Variants in PRKN observed in about 807,000 individuals in gnomAD.
The protein encoded by PRKN is parkin RBR E3 ubiquitin protein ligase, also known as E3 ubiquitin-protein ligase parkin.
PRKN carries 56 observed loss-of-function variants against 59.5 expected under a neutral mutation model. That is an observed-to-expected ratio of 0.94 (90% confidence interval 0.76 to 1.18). The LOEUF (loss-of-function observed/expected upper bound fraction) is 1.18, where lower values mean the gene tolerates loss of function less well. PRKN is among the 50% of genes most tolerant of loss of function. The pLI, the probability that PRKN is intolerant of heterozygous loss-of-function variation, is 0.00. For synonymous variants in PRKN, 250 were observed against 222.1 expected, an observed-to-expected ratio of 1.13 and a Z score of -1.12; for missense variants, 657 against 596.4, an observed-to-expected ratio of 1.10 and a Z score of -1.06.
chr6:161,917,822 C>T (rs1778628563), intron 6 of PRKN, among the ~76,000 whole-genome samples: 1 of 152,190 alleles, frequency 6.6e-6, no homozygotes, highest in Non-Finnish European at 1.5e-5. Flanking sequence ...TGATTCATTT[C>T]CACGTTTGAA....
chr6:162,603,771 G>A (rs1330233846), intron 1 of PRKN, among the ~76,000 whole-genome samples: 1 of 152,082 alleles, frequency 6.6e-6, no homozygotes, highest in Non-Finnish European at 1.5e-5. Flanking sequence ...GAGCACGCTG[G>A]AAACCACCCG....
chr6:161,714,855 C>A (rs1025533212), intron 7 of PRKN, among the ~76,000 whole-genome samples: 1 of 152,152 alleles, frequency 6.6e-6, no homozygotes, highest in Non-Finnish European at 1.5e-5. Context: ...CGCCACCCCA[C>A]AAAGACACAT....
At chr6:162,453,164 C>G (rs2128171692) in intron 1 of PRKN, among the ~76,000 whole-genome samples, 1 of 152,198 alleles carries the variant, frequency 6.6e-6, no homozygotes, top group Admixed American at 6.5e-5. Flanking sequence ...TCCAGGTTCC[C>G]CGGCTGGAAA....
At chr6:161,735,570 G>A (rs1035547695) in intron 7 of PRKN, among the ~76,000 whole-genome samples, 4 of 152,046 alleles carry the variant, frequency 2.6e-5, no homozygotes, top group African/African-American at 9.7e-5. Flanking sequence ...ACTGTGCAGG[G>A]GCTCAGAACA....
In PRKN at chr6:161,377,221, G is replaced by A. The variant is rs115638449; in HGVS notation, c.1167+9573C>T. 0.013 allele frequency among the ~76,000 whole-genome samples: 1,992 copies of A among 152,356 alleles called. 39 individuals are homozygous for A. Among genetic ancestry groups the A allele is most frequent in the African/African-American group, 0.046 (1,912 of 41,580 alleles). On this transcript the variant is annotated intron_variant, in intron 10 of 11. Transcript: ENST00000366898. The surrounding 1 kb of genome is among the most constrained non-coding windows in gnomAD (Gnocchi z 4.2). ...AAGAGAGCCCCTGGCACGCTACCGA[G>A]CCCTGTGGAGTTGGAGCATCTGTGC...
chr6:162,195,376 A>G (rs916130054), intron 4 of PRKN, among the ~76,000 whole-genome samples: 8 of 152,224 alleles, frequency 5.3e-5, no homozygotes, highest in Non-Finnish European at 1.2e-4. Flanking sequence ...AATTTCTTAC[A>G]TAAATGTGAG....
intron 1 of PRKN, among the ~76,000 whole-genome samples, chr6:162,599,395 G>A (rs572629089): frequency 9.4e-4 from 143 of 152,198 alleles, no homozygotes; most frequent in African/African-American, 3.3e-3. Context: ...TTGAATTTGC[G>A]TGTCTTTTGT....
chr6:161,536,684 T>C (rs901551088), intron 9 of PRKN, among the ~76,000 whole-genome samples: 4 of 152,250 alleles, frequency 2.6e-5, no homozygotes, highest in Non-Finnish European at 5.9e-5. Flanking sequence ...AGGTAGTTTG[T>C]GTCCCTGCAG....
At chr6:162,704,178 C>T (rs1243834064) in intron 1 of PRKN, among the ~76,000 whole-genome samples, 1 of 152,158 alleles carries the variant, frequency 6.6e-6, no homozygotes, top group Non-Finnish European at 1.5e-5. Context: ...GCTGGCCATG[C>T]CCTCCACCTG....
intron 5 of PRKN, among the ~76,000 whole-genome samples, chr6:161,980,304 GA>G (rs756289676): frequency 6.6e-6 from 1 of 151,032 alleles, no homozygotes; most frequent in African/African-American, 2.4e-5. Context: ...TTTCCCAAAA[GA>G]AAAAAAAACT....
At chr6:161,748,801 C>T (rs1021038636) in intron 7 of PRKN, among the ~76,000 whole-genome samples, 2 of 152,172 alleles carry the variant, frequency 1.3e-5, no homozygotes, top group African/African-American at 2.4e-5. Flanking sequence ...TTCCCTTATG[C>T]TTTAGCTGTT....
chr6:162,173,051 T>G (rs1167452889), intron 4 of PRKN, among the ~76,000 whole-genome samples: 1 of 152,096 alleles, frequency 6.6e-6, no homozygotes. Context: ...AAGGAGAAAC[T>G]GGGGGGCAGA....
At chr6:162,310,945 C>T (rs1005757038) in intron 2 of PRKN, among the ~76,000 whole-genome samples, 1 of 151,932 alleles carries the variant, frequency 6.6e-6, no homozygotes, top group African/African-American at 2.4e-5. Flanking sequence ...ATTAAGTATA[C>T]CATCTTTTCA....
chr6:162,128,072 C>T (rs759966174), intron 4 of PRKN, among the ~76,000 whole-genome samples: 2 of 152,182 alleles, frequency 1.3e-5, no homozygotes, highest in Admixed American at 6.6e-5. Flanking sequence ...CTCCCTTATG[C>T]TTATTTCCTC....
chr6:161,603,760 A>G (rs1267615241), intron 7 of PRKN, among the ~76,000 whole-genome samples: 1 of 152,230 alleles, frequency 6.6e-6, no homozygotes, highest in Admixed American at 6.5e-5. Context: ...AATTATTTCC[A>G]TAAGCTCTGG....
chr6:162,064,673 G>T (rs1476725341), intron 4 of PRKN, among the ~76,000 whole-genome samples: 1 of 152,178 alleles, frequency 6.6e-6, no homozygotes, highest in Non-Finnish European at 1.5e-5. Context: ...GAATACACAA[G>T]AATAATTAAG....
chr6:162,321,360 C>T (rs961397570), intron 2 of PRKN, among the ~76,000 whole-genome samples: 5 of 151,846 alleles, frequency 3.3e-5, no homozygotes, highest in Admixed American at 3.3e-4. Context: ...AGACTTATGT[C>T]TATTGAAGAA....
chr6:162,561,397 T>C (rs1048574427), intron 1 of PRKN, among the ~76,000 whole-genome samples: 4 of 151,830 alleles, frequency 2.6e-5, no homozygotes, highest in Admixed American at 6.6e-5. Flanking sequence ...GCAGACAAGA[T>C]GGTAGAATAG....
intron 1 of PRKN, among the ~76,000 whole-genome samples, chr6:162,444,532 C>T (rs1790217180): frequency 6.6e-6 from 1 of 151,986 alleles, no homozygotes; most frequent in Admixed American, 6.6e-5. Flanking sequence ...CAACTTCTTG[C>T]TTTTATTCAT....
Sources: allele counts gnomAD v4.1 joint callset (sites outside exome capture counted in the v4.1 genomes callset), GRCh38; gene constraint gnomAD v4.1.1; non-coding constraint Gnocchi (gnomAD v3.1); transcripts MANE v1.5; gene names NCBI Gene and HGNC (gene_info 2026-07-23, HGNC 2026-07-21).